The following CHL1 variants were observed in gnomAD, a reference collection of about 807,000 sequenced individuals.
CHL1 encodes the protein neural cell adhesion molecule L1-like protein.
CHL1 carries 96 observed loss-of-function variants against 141.9 expected under a neutral mutation model. The observed-to-expected ratio is 0.68, with a 90% CI of 0.57 to 0.80. The LOEUF (loss-of-function observed/expected upper bound fraction) is 0.80, where lower values mean the gene tolerates loss of function less well. Ranked by LOEUF, CHL1 falls within the 30% of genes least tolerant of loss-of-function variation. The probability of loss-of-function intolerance (pLI) is 0.00; values close to 1 mark genes in which losing one functional copy is unlikely to be tolerated. For missense variants in CHL1, 1,820 were observed against 1,457.2 expected (o/e 1.25, Z -4.05); for synonymous variants, 613 against 502.2 (o/e 1.22, Z -2.95).
In CHL1 at chr3:344,612, C is replaced by G. The variant is rs924557289; in HGVS notation, c.751C>G (p.Pro251Ala). The change falls in exon 9 of 28, where the codon CCC becomes GCC. Residue 251 changes from proline (P) to alanine (A), a missense_variant. Coordinates refer to ENST00000256509, the MANE Select transcript of CHL1 (RefSeq NM_006614.4). ...SKANSIKQRK[P>A]KLLLPPTESG... ...AGCAAATTCCATCAAGCAAAGAAAA[C>G]CCAAACTGCTGTTGCCTCCCACTGA... The G allele has an allele frequency of 1.9e-6, 3 of 1,611,390 alleles. No individual in the cohort carries two copies. The African/African-American group carries it at 4.0e-5, about 22-fold the overall frequency.
intron 1 of CHL1, among the ~76,000 whole-genome samples, chr3:230,008 G>A (rs1217933037): frequency 6.6e-6 from 1 of 152,056 alleles, no homozygotes; most frequent in Non-Finnish European, 1.5e-5. Context: ...ATCCCCGTGA[G>A]TTTCTATAGT....
intron 1 of CHL1, among the ~76,000 whole-genome samples, chr3:244,373 G>A (rs999919368): frequency 3.3e-5 from 5 of 152,116 alleles, no homozygotes; most frequent in African/African-American, 1.2e-4. Flanking sequence ...GTGTAATTAC[G>A]TGGCTGCTTT....
At chr3:338,161 T>A (rs1186196508) in intron 5 of CHL1, among the ~76,000 whole-genome samples, 2 of 152,160 alleles carry the variant, frequency 1.3e-5, no homozygotes, top group East Asian at 3.9e-4. Context: ...TTAGCTAGAC[T>A]GTTATGTGCA....
intron 24 of CHL1, among the ~76,000 whole-genome samples, chr3:396,859 A>G (rs1200476069): frequency 6.6e-6 from 1 of 152,160 alleles, no homozygotes; most frequent in African/African-American, 2.4e-5. Context: ...CTTTGAAAAA[A>G]ATATATATTT....
intron 15 of CHL1, among the ~76,000 whole-genome samples, chr3:366,550 T>A (rs1704917745): frequency 6.6e-6 from 1 of 152,082 alleles, no homozygotes; most frequent in Admixed American, 6.6e-5. Flanking sequence ...TTCAAGTCAC[T>A]TCACTCTGCT....
intron 2 of CHL1, among the ~76,000 whole-genome samples, chr3:313,807 T>C (rs1699939126): frequency 6.6e-6 from 1 of 152,150 alleles, no homozygotes; most frequent in Non-Finnish European, 1.5e-5. Context: ...GAATTAAGGA[T>C]CAAAGCATTA....
rs1347297014 is a variant in CHL1, at chr3:382,656, G to A, written c.2161G>A (p.Glu721Lys). ...GCCTAGCCAGCCGTCAGACCATCAT[G>A]AAACACCACCAGCAGGTATGCAGGT... ...SQPSQPSDHHETPPAAPDRNP... is the reference protein window; with the variant it reads ...SQPSQPSDHHKTPPAAPDRNP... Residue 721 changes from glutamate (E) to lysine (K), a missense_variant, in exon 18 of 28, where the codon GAA (glutamate) becomes AAA (lysine). By Grantham distance (56) the Glu-to-Lys change is moderately conservative. Transcript: ENST00000256509. 1.2e-6 allele frequency: 2 copies of A among 1,613,466 alleles called. No individual in the cohort carries two copies. The highest frequency in any genetic ancestry group is 3.3e-5 in the Admixed American group (2 of 59,932).
At chr3:395,492 A>G (rs1236081476) in intron 24 of CHL1, among the ~76,000 whole-genome samples, 3 of 152,094 alleles carry the variant, frequency 2.0e-5, no homozygotes, top group Non-Finnish European at 4.4e-5. Context: ...GATTTTAGTG[A>G]GGTTCTTGCT....
In CHL1 at chr3:365,254, A is replaced by G. The variant is rs75000202; in HGVS notation, c.1586-696A>G. On this transcript the variant is annotated intron_variant, in intron 14 of 27. Coordinates refer to ENST00000256509, the MANE Select transcript of CHL1 (RefSeq NM_006614.4). ...AAGGATTGCACGTTTTGAAACAATC[A>G]TAATGAACCAAACATTTTCTTAAGG... Among the ~76,000 whole-genome samples, 1,467 of 152,348 alleles carry G rather than the reference A, an allele frequency of 9.6e-3. 28 individuals are homozygous for G. The highest frequency in any genetic ancestry group is 0.034 in the African/African-American group (1,396 of 41,576).
intron 2 of CHL1, among the ~76,000 whole-genome samples, chr3:309,683 A>C (rs1393872711): frequency 6.6e-6 from 1 of 152,002 alleles, no homozygotes; most frequent in African/African-American, 2.4e-5. Context: ...TAATTTAAAA[A>C]AAGAAAATCT....
intron 23 of CHL1, among the ~76,000 whole-genome samples, chr3:393,050 G>A (rs924975081): frequency 2.0e-5 from 3 of 151,974 alleles, no homozygotes; most frequent in Non-Finnish European, 2.9e-5. Flanking sequence ...TGGCTAACAC[G>A]GTGAAACCCC....
In CHL1 at chr3:340,811, A is replaced by G; in HGVS notation, c.403A>G (p.Lys135Glu). Residue 135 changes from lysine to glutamate, a missense_variant, in exon 6 of 28, where the codon AAA (lysine) becomes GAA (glutamate). Coordinates refer to ENST00000256509, the MANE Select transcript of CHL1 (RefSeq NM_006614.4). ...FIVPSVPKFP[K>E]EKIDPLEVEE... ...TACACCAGGTGTTCCAAAATTCCCAAAAGAAAAAATTGACCCTCTTGAAGT... is the reference window on the plus strand; with the variant it reads ...TACACCAGGTGTTCCAAAATTCCCAGAAGAAAAAATTGACCCTCTTGAAGT... 1.9e-6 allele frequency: 3 copies of G among 1,610,222 alleles called. No individual in the cohort carries two copies. The highest frequency in any genetic ancestry group is 2.5e-6 in the Non-Finnish European group (3 of 1,177,942).
chr3:224,277 G>A (rs929904989), intron 1 of CHL1, among the ~76,000 whole-genome samples: 6 of 152,126 alleles, frequency 3.9e-5, no homozygotes, highest in Non-Finnish European at 5.9e-5. Flanking sequence ...GGCCTATGTC[G>A]AGGAATGACC....
At chr3:363,452 T>C in intron 14 of CHL1, 69 bp downstream of exon 14, 3 of 1,376,114 alleles carry the variant, frequency 2.2e-6, no homozygotes, top group Non-Finnish European at 2.0e-6. Flanking sequence ...TTTGCCCAAA[T>C]GGAATAATAC....
chr3:333,122 C>CTTTTTTTT (rs1383301108), intron 5 of CHL1, among the ~76,000 whole-genome samples: 2 of 14,302 alleles, frequency 1.4e-4, no homozygotes, highest in Admixed American at 1.1e-3. Flanking sequence ...GATAATTGCT[C>CTTTTTTTT]TATTTTTTTT....
At position 365,963 on chromosome 3, in the gene CHL1, T is replaced by G. The variant is rs1704826197; in HGVS notation, c.1599T>G (p.Leu533=). The G allele has an allele frequency of 1.2e-6, 2 of 1,612,912 alleles. No homozygotes were observed. The highest frequency in any genetic ancestry group is 1.7e-5 in the Admixed American group (1 of 59,962). Reference sequence around the variant, plus strand: ...TGGTAAAAACAGATGCTACAAAACTTAGAGTTTCTCCTAAGAATCCTCGTA... The same window carrying G: ...TGGTAAAAACAGATGCTACAAAACTGAGAGTTTCTCCTAAGAATCCTCGTA... The part of the protein sequence containing the change: ...ANLDIRNATK[L]RVSPKNPRIP... Residue 533 remains leucine (L), a synonymous_variant, in exon 15 of 28, where the codon CTT becomes CTG. Coordinates refer to ENST00000256509, the MANE Select transcript of CHL1 (RefSeq NM_006614.4).
At chr3:275,469 T>C (rs1696005810) in intron 2 of CHL1, among the ~76,000 whole-genome samples, 2 of 152,308 alleles carry the variant, frequency 1.3e-5, no homozygotes, top group African/African-American at 2.4e-5. Context: ...ACCGTAGGCC[T>C]AGGTTTACCA....
chr3:330,586 G>C (rs1045120277), intron 5 of CHL1, among the ~76,000 whole-genome samples: 1 of 151,980 alleles, frequency 6.6e-6, no homozygotes, highest in Non-Finnish European at 1.5e-5. Flanking sequence ...TAGACAAATA[G>C]AAAATAAGTA....
intron 23 of CHL1, among the ~76,000 whole-genome samples, chr3:393,196 G>A (rs1367181134): frequency 2.8e-5 from 4 of 143,148 alleles, no homozygotes; most frequent in African/African-American, 1.0e-4. Flanking sequence ...TGGAGCCACT[G>A]CACTCCAGCC....
Sources: gnomAD v4.1 joint callset for allele counts (sites outside exome capture counted in the v4.1 genomes callset) on GRCh38, gnomAD v4.1.1 for gene constraint, MANE v1.5 for transcripts, NCBI Gene and HGNC (gene_info 2026-07-23, HGNC 2026-07-21) for gene names.